Variants in HOOK3 observed in about 807,000 individuals in gnomAD.
HOOK3 encodes the protein hook microtubule tethering protein 3, also known as protein Hook homolog 3.
In HOOK3, 24 loss-of-function variants were observed where a neutral mutation model predicts 116.3. That is an observed-to-expected ratio of 0.21 (90% CI 0.15 to 0.29). The LOEUF (loss-of-function observed/expected upper bound fraction) is 0.29. Ranked by LOEUF, HOOK3 falls within the 10% of genes least tolerant of loss-of-function variation. The pLI, the probability that HOOK3 is intolerant of heterozygous loss-of-function variation, is 1.00. For synonymous variants in HOOK3, 275 were observed against 283.0 expected (o/e 0.97, Z 0.28); for missense variants, 632 against 830.2 (o/e 0.76, Z 2.93).
At chr8:42,927,262 GTT>G in intron 3 of HOOK3, among the ~76,000 whole-genome samples, 1 of 124,578 alleles carries the variant, frequency 8.0e-6, no homozygotes, top group Admixed American at 7.6e-5. Context: ...TTTTTTTTTG[GTT>G]TTTTTTTTTT....
intron 17 of HOOK3, among the ~76,000 whole-genome samples, chr8:43,005,459 T>C (rs1329713963): frequency 6.6e-6 from 1 of 151,730 alleles, no homozygotes; most frequent in Non-Finnish European, 1.5e-5. Flanking sequence ...CCTGACCTCG[T>C]GATCCGCCTG....
At chr8:43,009,294 T>C (rs993305255) in intron 18 of HOOK3, among the ~76,000 whole-genome samples, 4 of 150,808 alleles carry the variant, frequency 2.7e-5, no homozygotes, top group Admixed American at 1.3e-4. Context: ...TAGACCCAGC[T>C]ACTCGGGAGG....
At chr8:42,947,257 G>T (rs1277293185) in intron 5 of HOOK3, among the ~76,000 whole-genome samples, 1 of 152,154 alleles carries the variant, frequency 6.6e-6, no homozygotes, top group East Asian at 1.9e-4. Context: ...CGATTTTAAG[G>T]TGGAAAATAG....
chr8:42,908,240 T>C (rs1242761733), intron 2 of HOOK3, among the ~76,000 whole-genome samples: 1 of 152,178 alleles, frequency 6.6e-6, no homozygotes, highest in Non-Finnish European at 1.5e-5. Flanking sequence ...CCCATACTAC[T>C]GAAAGTGATT....
intron 1 of HOOK3, among the ~76,000 whole-genome samples, chr8:42,899,314 A>G (rs1449679394): frequency 6.6e-6 from 1 of 152,208 alleles, no homozygotes; most frequent in African/African-American, 2.4e-5. Context: ...AGTATTGTAG[A>G]ATAGGCTTTT....
At chr8:42,982,890 C>G (rs1420656459) in intron 14 of HOOK3, among the ~76,000 whole-genome samples, 194 bp downstream of exon 14, 1 of 152,238 alleles carries the variant, frequency 6.6e-6, no homozygotes, top group Admixed American at 6.5e-5. Context: ...GATTTGCTCA[C>G]TTCAATAAGA....
At position 43,022,176 on chromosome 8, in the gene HOOK3, C is replaced by T. The variant is rs547500360; in HGVS notation, c.*3678C>T. ...GCTCTAACGGTGGCAACTCCATGTC[C>T]GGTGTCCAGCTTTGGACAGGGTTTA... On this transcript the variant is annotated 3_prime_UTR_variant, in exon 22 of 22. Coordinates refer to ENST00000307602, the MANE Select transcript of HOOK3 (RefSeq NM_032410.4). 25 of 210,180 alleles carry T rather than the reference C, an allele frequency of 1.2e-4. No homozygotes were observed. Among genetic ancestry groups the T allele is most frequent in the Non-Finnish European group, 1.6e-4 (17 of 103,654 alleles). The allele number at this position is 210,180 out of a possible 1,614,324, so 13.0% of individuals were successfully genotyped here.
chr8:42,902,306 C>G (rs936289801), intron 1 of HOOK3, among the ~76,000 whole-genome samples: 3 of 151,044 alleles, frequency 2.0e-5, no homozygotes, highest in Admixed American at 1.3e-4. Flanking sequence ...GGGTCTCACT[C>G]TGTTGCCCAG....
chr8:42,897,517 C>T (rs1411387499), intron 1 of HOOK3, among the ~76,000 whole-genome samples: 5 of 152,240 alleles, frequency 3.3e-5, no homozygotes, highest in African/African-American at 1.2e-4. Flanking sequence ...GCCGCCGCTC[C>T]TCGCCTTTGT....
chr8:42,997,505 T>C (rs747506779), intron 15 of HOOK3, 45 bp from the exon 16 acceptor site: 1 of 1,209,490 alleles, frequency 8.3e-7, no homozygotes, highest in Non-Finnish European at 1.2e-6. Context: ...AAAAAAGGCA[T>C]ACGTAACTCA....
chr8:42,989,431 C>G (rs1809112860), intron 15 of HOOK3, among the ~76,000 whole-genome samples: 1 of 152,148 alleles, frequency 6.6e-6, no homozygotes, highest in African/African-American at 2.4e-5. Flanking sequence ...GCATTATAAT[C>G]CTCATTTATT....
rs1369462406 is a variant in HOOK3 at position 43,027,716 on chromosome 8, A to G, written c.*9218A>G. The G allele has an allele frequency of 4.7e-6, 1 of 211,300 alleles. No individual in the cohort carries two copies. Among genetic ancestry groups the G allele is most frequent in the East Asian group, 7.6e-5 (1 of 13,142 alleles). The allele number at this position is 211,300 out of a possible 1,614,324, so 13.1% of individuals were successfully genotyped here. On this transcript the variant is annotated 3_prime_UTR_variant, in exon 22 of 22. Coordinates refer to ENST00000307602, the MANE Select transcript of HOOK3 (RefSeq NM_032410.4). ...CTTAACTTCCATTGTCTTCTTGTTA[A>G]CCTAGACAAGAGTAGATTATTCAGT...
At chr8:42,918,885 G>C (rs925551678) in intron 2 of HOOK3, among the ~76,000 whole-genome samples, 2 of 152,120 alleles carry the variant, frequency 1.3e-5, no homozygotes, top group African/African-American at 2.4e-5. Flanking sequence ...TTTTCTATTC[G>C]ACAAAACCGC....
intron 2 of HOOK3, among the ~76,000 whole-genome samples, chr8:42,919,511 C>T (rs1372962981): frequency 6.6e-6 from 1 of 151,872 alleles, no homozygotes; most frequent in African/African-American, 2.4e-5. Context: ...GGCGGCCAGG[C>T]AGAGACGCTC....
chr8:42,951,064 C>A (rs1808335675), intron 6 of HOOK3, among the ~76,000 whole-genome samples: 1 of 151,762 alleles, frequency 6.6e-6, no homozygotes, highest in Admixed American at 6.6e-5. Context: ...TAAATAATAT[C>A]TATTATTTAT....
chr8:42,991,757 T>G (rs960492114), intron 15 of HOOK3, among the ~76,000 whole-genome samples: 12 of 152,018 alleles, frequency 7.9e-5, no homozygotes, highest in Middle Eastern at 3.2e-3. Context: ...TTTTGTTTTT[T>G]TTTTCCTTTT....
At chr8:42,935,450 C>A (rs375075467) in intron 4 of HOOK3, among the ~76,000 whole-genome samples, 1 of 152,100 alleles carries the variant, frequency 6.6e-6, no homozygotes, top group Non-Finnish European at 1.5e-5. Context: ...GTGTTTTAGT[C>A]ATGAAGTCTT....
rs1809978916 is a variant in HOOK3, at chr8:43,028,910, C to T, written c.*10412C>T. ...TGATCCAGCAGTGTCGAATTCCAAG[C>T]AAGTTATGATGATTCTTATTGTAGT... On this transcript the variant is annotated 3_prime_UTR_variant, in exon 22 of 22. Transcript: ENST00000307602. The T allele has an allele frequency of 4.9e-6, 1 of 202,580 alleles. No individual in the cohort carries two copies. Among genetic ancestry groups the T allele is most frequent in the South Asian group, 1.9e-4 (1 of 5,260 alleles). The allele number at this position is 202,580 out of a possible 1,614,324, so 12.5% of individuals were successfully genotyped here.
chr8:42,942,486 A>G (rs1808147327), intron 4 of HOOK3, among the ~76,000 whole-genome samples: 3 of 152,212 alleles, frequency 2.0e-5, no homozygotes, highest in Admixed American at 2.0e-4. Context: ...CCTCCTGTCC[A>G]GGGAAAACCA....
Sources: allele counts gnomAD v4.1 joint callset (sites outside exome capture counted in the v4.1 genomes callset), GRCh38; gene constraint gnomAD v4.1.1; transcripts MANE v1.5; gene names NCBI Gene and HGNC (gene_info 2026-07-23, HGNC 2026-07-21).